The following TYRO3 variants were observed in gnomAD, a reference collection of about 807,000 sequenced individuals.
TYRO3 encodes the protein TYRO3 protein tyrosine kinase.
A neutral mutation model predicts 95.2 loss-of-function variants in TYRO3; 38 were observed. The ratio of observed to expected loss-of-function variants is 0.40; its 90% CI spans 0.31 to 0.52. TYRO3 has a LOEUF of 0.52. TYRO3 is among the 20% of genes least tolerant of loss of function. The pLI is 0.56. For synonymous variants in TYRO3, 367 were observed against 432.9 expected, an observed-to-expected ratio of 0.85 and a Z score of 1.89; for missense variants, 812 against 1,116.4, an observed-to-expected ratio of 0.73 and a Z score of 3.89.
In TYRO3 at chr15:41,567,365, A is replaced by T; in HGVS notation, c.789A>T (p.Thr263=). ...ALLQSCTVQV[T]QAPGGWEVLA... ...AGTTTTCTGCTTTTCTGTAGGTGAC[A>T]CAGGCCCCAGGAGGCTGGGAAGTCC... The change falls in exon 7 of 19, where the codon ACA becomes ACT. Residue 263 remains threonine (T), a synonymous_variant. Transcript: ENST00000263798. The T allele has an allele frequency of 6.5e-7, 1 of 1,548,104 alleles. No individual in the cohort carries two copies.
At position 41,570,355 on chromosome 15, in the gene TYRO3, A is replaced by G. The variant is rs747466767; in HGVS notation, c.1483+15A>G. On this transcript the variant is annotated intron_variant, in intron 11 of 18. Transcript: ENST00000263798. ...CGAGGCCACATGTGAGTGGTGGGTG[A>G]TCGTGGGAAGGACAAATGGGCTGTC... 1 of 1,612,980 alleles carries G rather than the reference A, an allele frequency of 6.2e-7. No homozygotes were observed. Among genetic ancestry groups the G allele is most frequent in the Non-Finnish European group, 8.5e-7 (1 of 1,179,180 alleles).
intron 8 of TYRO3, 62 bp from the exon 9 acceptor site, chr15:41,568,816 G>A (rs1273894462): frequency 2.5e-6 from 4 of 1,568,894 alleles, no homozygotes; most frequent in Non-Finnish European, 2.6e-6. Context: ...TCTGTCCTCA[G>A]GCCCCAGCTG....
In TYRO3 at chr15:41,561,611, C is replaced by G. The variant is rs1438820026; in HGVS notation, c.381C>G (p.Ile127Met). Residue 127 changes from isoleucine (I) to methionine (M), a missense_variant, in exon 3 of 19, where the codon ATC becomes ATG. Physicochemically the swap from Ile to Met is conservative, Grantham distance 10 (BLOSUM62 1). Coordinates refer to ENST00000263798, the MANE Select transcript of TYRO3 (RefSeq NM_006293.4). ...CQVEDGGETE[I>M]SQPVWLTVEG... ...TGGAGGATGGGGGTGAAACCGAGATCTCCCAGCCAGTGTGGCTCACGGTAG... is the reference window on the plus strand; with the variant it reads ...TGGAGGATGGGGGTGAAACCGAGATGTCCCAGCCAGTGTGGCTCACGGTAG... The G allele has an allele frequency of 1.9e-6, 3 of 1,591,608 alleles. No individual in the cohort carries two copies. Among genetic ancestry groups the G allele is most frequent in the Non-Finnish European group, 1.7e-6 (2 of 1,170,902 alleles).
chr15:41,563,938 G>A (rs530146761), intron 4 of TYRO3, among the ~76,000 whole-genome samples: 6 of 152,264 alleles, frequency 3.9e-5, no homozygotes, highest in South Asian at 4.1e-4. Context: ...TTAGCATGCC[G>A]TGCACTTGAC....
At chr15:41,560,424 T>C (rs1173173149) in intron 1 of TYRO3, among the ~76,000 whole-genome samples, 21 of 140,856 alleles carry the variant, frequency 1.5e-4, no homozygotes, top group African/African-American at 5.1e-4. Flanking sequence ...TGTGTGTGTG[T>C]GTGTGCGCGC....
chr15:41,572,887 CT>C, intron 15 of TYRO3, 114 bp from the exon 16 acceptor site: 1 of 874,218 alleles, frequency 1.1e-6, no homozygotes, highest in Admixed American at 2.7e-5. Context: ...CATCCCCTTC[CT>C]TCCTTCCAGT....
At position 41,570,274 on chromosome 15, in the gene TYRO3, C is replaced by T. The variant is rs781144553; in HGVS notation, c.1417C>T (p.Pro473Ser). ...AFDSVMARGE[P>S]AVHFRAARSF... The stretch of plus-strand genomic sequence containing the variant: ...TGACAGTGTCATGGCCCGGGGAGAG[C>T]CAGCCGTTCACTTCCGGGCAGCCCG... The change falls in exon 11 of 19, where the codon CCA (proline) becomes TCA (serine). Residue 473 changes from proline (P) to serine (S), a missense_variant. Pro to Ser is a moderately conservative substitution (Grantham distance 74). Transcript: ENST00000263798. The T allele has an allele frequency of 4.3e-6, 7 of 1,614,166 alleles. No homozygotes were observed. The African/African-American group carries it at 8.0e-5, about 18-fold the overall frequency.
At chr15:41,564,140 T>G in intron 4 of TYRO3, 44 bp from the exon 5 acceptor site, 1 of 1,558,534 alleles carries the variant, frequency 6.4e-7, no homozygotes, top group Admixed American at 1.7e-5. Context: ...CCGCACTGAG[T>G]GGGGTTGCTG....
chr15:41,571,716 G>A, intron 14 of TYRO3, 29 bp downstream of exon 14: 1 of 1,002,586 alleles, frequency 1.0e-6, no homozygotes, highest in Non-Finnish European at 1.5e-6. Context: ...GAGGCAGATA[G>A]AGAATAGGGC....
chr15:41,560,388 C>CGTGTGTGTGTGTGTGTGTGT (rs1177291795), intron 1 of TYRO3, among the ~76,000 whole-genome samples: 2 of 72,056 alleles, frequency 2.8e-5, no homozygotes, highest in African/African-American at 9.5e-5. Context: ...AGGAGAGGTG[C>CGTGTGTGTGTGTGTGTGTGT]GTGTATGTGT....
At chr15:41,571,204 C>A in intron 13 of TYRO3, 86 bp downstream of exon 13, 1 of 1,339,286 alleles carries the variant, frequency 7.5e-7, no homozygotes, top group Non-Finnish European at 1.1e-6. Context: ...TGCTTTGCCC[C>A]TAGATTTTCC....
Position 41,573,404 on chromosome 15 carries a change from G to C in TYRO3, c.2082G>C (p.Leu694=). The C allele has an allele frequency of 1.2e-6, 2 of 1,614,248 alleles. No homozygotes were observed. The highest frequency in any genetic ancestry group is 2.2e-5 in the South Asian group (2 of 91,090). ...DYYRQGCASK[L]PVKWLALESL... ...ATCGTCAAGGCTGTGCCTCCAAACT[G>C]CCTGTCAAGTGGCTGGCCCTGGAGA... Residue 694 remains leucine (L), a synonymous_variant, in exon 17 of 19, where the codon CTG becomes CTC. Transcript: ENST00000263798.
At chr15:41,569,114 C>G (rs2055762484) in intron 9 of TYRO3, 92 bp downstream of exon 9, 1 of 1,453,378 alleles carries the variant, frequency 6.9e-7, no homozygotes, top group African/African-American at 1.4e-5. Context: ...GTAGCATCTC[C>G]CCTCCTAGTA....
At chr15:41,560,145 C>G (rs1387492631) in intron 1 of TYRO3, among the ~76,000 whole-genome samples, 1 of 152,180 alleles carries the variant, frequency 6.6e-6, no homozygotes, top group Non-Finnish European at 1.5e-5. Flanking sequence ...ACAGCGGCCA[C>G]CCGCTGGCAT....
At chr15:41,562,498 A>C (rs1229308881) in intron 3 of TYRO3, 50 bp from the exon 4 acceptor site, 1 of 1,489,350 alleles carries the variant, frequency 6.7e-7, no homozygotes, top group Admixed American at 1.8e-5. Flanking sequence ...TTTGTACAGT[A>C]GGAAGCCAAG....
chr15:41,566,230 TTGAGCC>T (rs2055722334), intron 6 of TYRO3, among the ~76,000 whole-genome samples: 1 of 149,330 alleles, frequency 6.7e-6, no homozygotes, highest in African/African-American at 2.5e-5. Context: ...GGAGGATGAC[TTGAGCC>T]TGAGAAGTCA....
rs2055670398 is a variant in TYRO3 at position 41,562,548 on chromosome 15, G to A, written c.410G>A (p.Gly137Asp). The change falls in exon 4 of 19, where the codon GGT becomes GAT. Residue 137 changes from glycine (G) to aspartate (D), a missense_variant and splice_region_variant. Transcript: ENST00000263798. ...ACTCCTCACTCCCCTTCTCTCCTAG[G>A]TGTGCCATTTTTCACAGTGGAGCCA... The part of the protein sequence containing the change: ...ISQPVWLTVE[G>D]VPFFTVEPKD... The A allele has an allele frequency of 6.2e-7, 1 of 1,612,370 alleles. No individual in the cohort carries two copies. Among genetic ancestry groups the A allele is most frequent in the East Asian group, 2.2e-5 (1 of 44,880 alleles).
intron 4 of TYRO3, among the ~76,000 whole-genome samples, chr15:41,563,734 T>C (rs1200339): frequency 1 from 152,130 of 152,308 alleles, 75,976 homozygotes; most frequent in Middle Eastern, 1. Flanking sequence ...AGACAAGACA[T>C]GTGCATAAAG....
intron 16 of TYRO3, 75 bp from the exon 17 acceptor site, chr15:41,573,233 T>C (rs370417697): frequency 6.4e-7 from 1 of 1,561,824 alleles, no homozygotes; most frequent in South Asian, 1.2e-5. Context: ...GGAGCAAAGA[T>C]GCAAAGATGT....
Sources: allele counts gnomAD v4.1 joint callset (sites outside exome capture counted in the v4.1 genomes callset), GRCh38; gene constraint gnomAD v4.1.1; transcripts MANE v1.5; gene names NCBI Gene and HGNC (gene_info 2026-07-23, HGNC 2026-07-21).